Variants in CDC42BPA observed in about 807,000 individuals in gnomAD.
The protein encoded by CDC42BPA is CDC42 binding protein kinase alpha.
In CDC42BPA, 80 loss-of-function variants were observed where a neutral mutation model predicts 223.5. The ratio of observed to expected loss-of-function variants is 0.36; its 90% CI spans 0.30 to 0.43. CDC42BPA has a LOEUF of 0.43. CDC42BPA is among the 20% of genes least tolerant of loss of function. The probability of loss-of-function intolerance (pLI) is 1.00; values close to 1 mark genes in which losing one functional copy is unlikely to be tolerated. For missense variants in CDC42BPA, 1,743 were observed against 2,099.9 expected (o/e 0.83, Z 3.32); for synonymous variants, 694 against 718.6 (o/e 0.97, Z 0.55).
At chr1:227,105,808 A>G (rs1035681980) in intron 14 of CDC42BPA, among the ~76,000 whole-genome samples, 1 of 152,152 alleles carries the variant, frequency 6.6e-6, no homozygotes, top group Non-Finnish European at 1.5e-5. Context: ...ATGATACTCC[A>G]TTGTATTTAT....
rs760438974 is a variant in CDC42BPA at position 227,193,804 on chromosome 1, T to C, written c.581A>G (p.Gln194Arg). Residue 194 changes from glutamine (Q) to arginine (R), a missense_variant, in exon 5 of 37, where the codon CAG (glutamine) becomes CGG (arginine). Physicochemically the swap from Gln to Arg is conservative, Grantham distance 43. Transcript: ENST00000366766. ...GTTTTACCTGTGTACATAATGTAGCTGATGAACTGAGTCAATTGCTATCAC... is the reference window on the plus strand; with the variant it reads ...GTTTTACCTGTGTACATAATGTAGCCGATGAACTGAGTCAATTGCTATCAC... ...EMVIAIDSVH[Q>R]LHYVHRDIKP... The C allele has an allele frequency of 6.2e-7, 1 of 1,612,446 alleles. No homozygotes were observed. Among genetic ancestry groups the C allele is most frequent in the Admixed American group, 1.7e-5 (1 of 59,848 alleles).
intron 15 of CDC42BPA, among the ~76,000 whole-genome samples, chr1:227,096,977 C>A (rs1012040152): frequency 3.9e-5 from 6 of 152,096 alleles, no homozygotes; most frequent in Admixed American, 3.3e-4. Context: ...GTTCCCACCA[C>A]CCCATCTATG....
At chr1:227,104,708 T>C (rs1316067718) in intron 14 of CDC42BPA, among the ~76,000 whole-genome samples, 1 of 152,130 alleles carries the variant, frequency 6.6e-6, no homozygotes, top group Admixed American at 6.6e-5. Context: ...TCATTAAGAC[T>C]GCGTCCTTAT....
intron 12 of CDC42BPA, among the ~76,000 whole-genome samples, chr1:227,115,681 T>C (rs898176956): frequency 6.6e-6 from 1 of 152,178 alleles, no homozygotes; most frequent in South Asian, 2.1e-4. Flanking sequence ...AAAGAACAGA[T>C]ACCACGTAGA....
chr1:227,237,100 A>C (rs1309119295), intron 2 of CDC42BPA, among the ~76,000 whole-genome samples: 1 of 149,922 alleles, frequency 6.7e-6, no homozygotes, highest in Non-Finnish European at 1.5e-5. Context: ...ATGTTGCTTC[A>C]TGTCAGGTTT....
intron 30 of CDC42BPA, among the ~76,000 whole-genome samples, chr1:227,026,777 A>C (rs1668341754): frequency 6.6e-6 from 1 of 152,212 alleles, no homozygotes; most frequent in Non-Finnish European, 1.5e-5. Flanking sequence ...ATTCAGTTAC[A>C]AGACAGCATT....
Position 227,139,556 on chromosome 1 carries a change from T to C in CDC42BPA, c.1390+20A>G, listed in dbSNP as rs771925851. The C allele has an allele frequency of 4.8e-6, 7 of 1,462,290 alleles. No homozygotes were observed. The East Asian group carries it at 1.7e-4, about 36-fold the overall frequency. 90.6% of individuals were successfully genotyped at this position (1,462,290 alleles called of 1,614,324 possible). ...GTGAGTACAATTCAAAAAGTGAAAA[T>C]ATATTTAAAATATATTTACCTTGAA... On this transcript the variant is annotated intron_variant, in intron 10 of 36. Coordinates refer to ENST00000366766, the MANE Select transcript of CDC42BPA (RefSeq NM_001394014.1).
At chr1:227,017,922 G>A (rs1411309916) in intron 32 of CDC42BPA, among the ~76,000 whole-genome samples, 1 of 151,888 alleles carries the variant, frequency 6.6e-6, no homozygotes, top group East Asian at 1.9e-4. Flanking sequence ...AGCCAAACGA[G>A]CCTAGAAGAA....
intron 2 of CDC42BPA, among the ~76,000 whole-genome samples, chr1:227,220,300 A>G (rs1355476456): frequency 1.2e-4 from 9 of 74,198 alleles, no homozygotes; most frequent in Non-Finnish European, 2.5e-4. Context: ...ATATATATAT[A>G]TATATATATA....
intron 2 of CDC42BPA, among the ~76,000 whole-genome samples, chr1:227,224,306 T>C (rs1676472611): frequency 6.6e-6 from 1 of 151,534 alleles, no homozygotes; most frequent in Non-Finnish European, 1.5e-5. Context: ...CAGTCTCAGC[T>C]CACTGCAACC....
In CDC42BPA at chr1:227,139,661, T is replaced by C; in HGVS notation, c.1305A>G (p.Leu435=). Residue 435 remains leucine, a synonymous_variant, in exon 10 of 37, where the codon CTA becomes CTG. Coordinates refer to ENST00000366766, the MANE Select transcript of CDC42BPA (RefSeq NM_001394014.1). ...AAGCTTCAGTTGCTAAGTTGTTGTC[T>C]AGAGTCCTCTGAACATTAACATCAA... ...LDLDVNVQRT[L]DNNLATEAYE... 3 of 1,611,570 alleles carry C rather than the reference T, an allele frequency of 1.9e-6. No individual in the cohort carries two copies. The highest frequency in any genetic ancestry group is 2.5e-6 in the Non-Finnish European group (3 of 1,178,644).
intron 5 of CDC42BPA, among the ~76,000 whole-genome samples, chr1:227,176,811 T>G (rs1667030356): frequency 1.3e-5 from 2 of 152,144 alleles, no homozygotes; most frequent in Non-Finnish European, 2.9e-5. Flanking sequence ...ATTCTTGTAT[T>G]TGATAACATT....
intron 2 of CDC42BPA, among the ~76,000 whole-genome samples, chr1:227,224,477 C>G (rs1676504723): frequency 6.6e-6 from 1 of 152,050 alleles, no homozygotes; most frequent in Non-Finnish European, 1.5e-5. Flanking sequence ...GGTGATGCGC[C>G]CACTTCGGCC....
chr1:227,230,497 C>T (rs1677648520), intron 2 of CDC42BPA, among the ~76,000 whole-genome samples: 1 of 152,126 alleles, frequency 6.6e-6, no homozygotes, highest in Non-Finnish European at 1.5e-5. Context: ...TTGAATAATA[C>T]TGTAACAGAG....
At position 226,994,478 on chromosome 1, in the gene CDC42BPA, C is replaced by T. The variant is rs61833999; in HGVS notation, c.5134-79G>A. On this transcript the variant is annotated intron_variant, in intron 36 of 36. Coordinates refer to ENST00000366766, the MANE Select transcript of CDC42BPA (RefSeq NM_001394014.1). The surrounding 1 kb of genome is among the most constrained non-coding windows in gnomAD (Gnocchi z 4.0). ...GAAGGGGCTCAGATTACCACCGCCC[C>T]CTCCAGCCACCCTGACCAAATAACC... is the stretch of plus-strand genomic sequence containing the variant. The T allele has an allele frequency of 0.22, 312,985 of 1,425,580 alleles. 37,875 individuals are homozygous for T. Among genetic ancestry groups the T allele is most frequent in the Non-Finnish European group, 0.25 (270,189 of 1,079,836 alleles). 88.3% of individuals were successfully genotyped at this position (1,425,580 alleles called of 1,614,324 possible).
chr1:227,105,201 A>C (rs1219929829), intron 14 of CDC42BPA, among the ~76,000 whole-genome samples: 1 of 152,124 alleles, frequency 6.6e-6, no homozygotes, highest in Admixed American at 6.6e-5. Flanking sequence ...TTACATTTGC[A>C]ATGCTATATA....
chr1:226,997,943 T>C (rs1193504259), intron 35 of CDC42BPA, among the ~76,000 whole-genome samples: 1 of 152,212 alleles, frequency 6.6e-6, no homozygotes, highest in African/African-American at 2.4e-5. Context: ...TGGAGAGTTC[T>C]GTAGGTGTGT....
At position 227,196,338 on chromosome 1, in the gene CDC42BPA, C is replaced by CTTTTTTTTT. The variant is rs34352900; in HGVS notation, c.451-2413_451-2405dup. 3.4e-3 allele frequency among the ~76,000 whole-genome samples: 313 copies of CTTTTTTTTT among 92,352 alleles called. 23 individuals carry two copies. The highest frequency in any genetic ancestry group is 4.1e-3 in the African/African-American group (86 of 21,202). 60.6% of individuals were successfully genotyped at this position (92,352 alleles called of 152,430 possible). A position where few individuals can be genotyped will look rare whatever the true frequency, so the allele number is the denominator to read the frequency against. On this transcript the variant is annotated intron_variant, in intron 4 of 36. Transcript: ENST00000366766. Reference sequence around the variant, plus strand: ...GCTTTCTTTTTACTATTAAACAATACTTTTTTTTTTTTTTTTTTTGAGACA... The same window carrying CTTTTTTTTT: ...GCTTTCTTTTTACTATTAAACAATACTTTTTTTTTTTTTTTTTTTTTTTTTTTTGAGACA...
chr1:227,005,695 A>G lies in CDC42BPA; in HGVS notation c.4858-584T>C, dbSNP rs79362858. Among the ~76,000 whole-genome samples the G allele has an allele frequency of 7.8e-3, 1,192 of 152,360 alleles. 14 individuals carry two copies. The highest frequency in any genetic ancestry group is 0.025 in the African/African-American group (1,025 of 41,588). ...AGGTGAAGTTAGTTAATTTGGGAAT[A>G]TTAGTTTGAAAACTAATTTCTGATG... On this transcript the variant is annotated intron_variant, in intron 34 of 36. Coordinates refer to ENST00000366766, the MANE Select transcript of CDC42BPA (RefSeq NM_001394014.1).
Sources: allele counts gnomAD v4.1 joint callset (sites outside exome capture counted in the v4.1 genomes callset), GRCh38; gene constraint gnomAD v4.1.1; non-coding constraint Gnocchi (gnomAD v3.1); transcripts MANE v1.5; gene names NCBI Gene and HGNC (gene_info 2026-07-23, HGNC 2026-07-21).